SLC9C2: variants seen among roughly 807,000 people sequenced by gnomAD.
SLC9C2 encodes the protein sodium/hydrogen exchanger 11.
SLC9C2 carries 75 observed loss-of-function variants against 140.2 expected under a neutral mutation model. The ratio of observed to expected loss-of-function variants is 0.53; its 90% CI spans 0.44 to 0.65. The LOEUF is 0.65. SLC9C2 is among the 30% of genes least tolerant of loss of function. The pLI is 0.00. For synonymous variants in SLC9C2, 375 were observed against 420.9 expected (o/e 0.89, Z 1.34); for missense variants, 1,074 against 1,331.8 (o/e 0.81, Z 3.01).
intron 13 of SLC9C2, among the ~76,000 whole-genome samples, chr1:173,540,639 A>T (rs1004995216): frequency 1.3e-5 from 2 of 152,218 alleles, no homozygotes; most frequent in Non-Finnish European, 2.9e-5. Context: ...AACTCGGAAG[A>T]CAGAAAATGT....
intron 16 of SLC9C2, 107 bp from the exon 17 acceptor site, chr1:173,533,904 C>A: frequency 1.6e-6 from 2 of 1,212,318 alleles, no homozygotes; most frequent in Non-Finnish European, 2.2e-6. Flanking sequence ...AGTTATATTC[C>A]GAAAGTTGAG....
Position 173,545,478 on chromosome 1 carries a change from T to C in SLC9C2, c.1557+2211A>G, listed in dbSNP as rs144805729. On this transcript the variant is annotated intron_variant, in intron 13 of 27. Coordinates refer to ENST00000367714, the MANE Select transcript of SLC9C2 (RefSeq NM_178527.4). Reference sequence around the variant, plus strand: ...CATGGACACGTAATTTCTCAGGCCATCCCATTCTTCCCCCTCTTAAACAGT... The same window carrying C: ...CATGGACACGTAATTTCTCAGGCCACCCCATTCTTCCCCCTCTTAAACAGT... Among the ~76,000 whole-genome samples, 86 of 152,318 alleles carry C rather than the reference T, an allele frequency of 5.6e-4. No homozygotes were observed. The East Asian group carries it at 0.013, about 23-fold the overall frequency.
intron 13 of SLC9C2, among the ~76,000 whole-genome samples, chr1:173,537,919 T>C (rs1347070374): frequency 1.3e-5 from 2 of 152,166 alleles, no homozygotes; most frequent in African/African-American, 2.4e-5. Context: ...TTTCCTCACA[T>C]ACTGACCATA....
At chr1:173,562,857 G>A (rs1664202837) in intron 9 of SLC9C2, among the ~76,000 whole-genome samples, 1 of 152,130 alleles carries the variant, frequency 6.6e-6, no homozygotes, top group South Asian at 2.1e-4. Context: ...GATCAAGAGA[G>A]CTGATCCCTT....
rs1460503348 is a variant in SLC9C2 at position 173,557,455 on chromosome 1, T to C, written c.1100A>G (p.Tyr367Cys). 2.5e-6 allele frequency: 4 copies of C among 1,613,848 alleles called. No individual in the cohort carries two copies. Among genetic ancestry groups the C allele is most frequent in the Non-Finnish European group, 3.4e-6 (4 of 1,179,912 alleles). Residue 367 changes from tyrosine (Y) to cysteine (C), a missense_variant, in exon 10 of 28, where the codon TAT becomes TGT. Physicochemically the swap from Tyr to Cys is radical, Grantham distance 194. Coordinates refer to ENST00000367714, the MANE Select transcript of SLC9C2 (RefSeq NM_178527.4). ...GATTACAACTCCCCATCGCCAATTA[T>C]ATTCATAATTTGAATGCATCAAAAT... ...SPILMHSNYEYNWRWGVVITW... is the reference protein window; with the variant it reads ...SPILMHSNYECNWRWGVVITW...
chr1:173,504,480 C>A (rs1659494346), intron 26 of SLC9C2, among the ~76,000 whole-genome samples: 1 of 152,100 alleles, frequency 6.6e-6, no homozygotes. Context: ...AAATCCTCCC[C>A]CCAAAGCAAC....
At chr1:173,535,564 A>C (rs1661889319) in intron 15 of SLC9C2, among the ~76,000 whole-genome samples, 1 of 152,288 alleles carries the variant, frequency 6.6e-6, no homozygotes, top group South Asian at 2.1e-4. Flanking sequence ...GCAGCCCGCA[A>C]CACACTACAA....
intron 4 of SLC9C2, among the ~76,000 whole-genome samples, chr1:173,592,625 T>C (rs547564846): frequency 6.6e-6 from 1 of 152,346 alleles, no homozygotes; most frequent in African/African-American, 2.4e-5. Context: ...CAATCGTGAA[T>C]GAGATTGCAT....
chr1:173,576,680 T>G lies in SLC9C2; in HGVS notation c.883A>C (p.Ile295Leu), dbSNP rs1665202179. 1 of 1,611,494 alleles carries G rather than the reference T, an allele frequency of 6.2e-7. No homozygotes were observed. The highest frequency in any genetic ancestry group is 1.3e-5 in the African/African-American group (1 of 74,934). ...ACTTACTTAGTAATTACAAGTTCGA[T>G]CTTCGGTTTAAAAGTTAAAGAATCT... is the stretch of plus-strand genomic sequence containing the variant. ...NLDSLTFKPK[I>L]ELVITKFLRI... Residue 295 changes from isoleucine (I) to leucine (L), a missense_variant, in exon 8 of 28, where the codon ATC becomes CTC. By Grantham distance (5) the Ile-to-Leu change is conservative (BLOSUM62 2). Transcript: ENST00000367714.
At chr1:173,515,240 T>C (rs1370955155) in intron 23 of SLC9C2, among the ~76,000 whole-genome samples, 1 of 152,166 alleles carries the variant, frequency 6.6e-6, no homozygotes, top group East Asian at 1.9e-4. Context: ...AACATCCTGA[T>C]CCTGAAGTGT....
chr1:173,592,699 G>A (rs1433848502), intron 4 of SLC9C2, among the ~76,000 whole-genome samples: 10 of 152,124 alleles, frequency 6.6e-5, no homozygotes. Flanking sequence ...TTCATACATT[G>A]ATTTCCTATC....
At chr1:173,546,060 C>T (rs185684390) in intron 13 of SLC9C2, among the ~76,000 whole-genome samples, 1 of 152,262 alleles carries the variant, frequency 6.6e-6, no homozygotes, top group East Asian at 1.9e-4. Context: ...AAACAAATCA[C>T]AAGAACAGCC....
At chr1:173,572,186 A>C (rs1664882984) in intron 9 of SLC9C2, among the ~76,000 whole-genome samples, 4 of 152,256 alleles carry the variant, frequency 2.6e-5, no homozygotes, top group Admixed American at 1.3e-4. Context: ...CCTAAATTAT[A>C]CTAGGGAGCA....
intron 11 of SLC9C2, 115 bp downstream of exon 11, chr1:173,554,618 G>A (rs1663546048): frequency 1.4e-6 from 1 of 691,558 alleles, no homozygotes; most frequent in Non-Finnish European, 2.5e-6. Context: ...AATGAAAAAT[G>A]AATAATTTCT....
intron 13 of SLC9C2, among the ~76,000 whole-genome samples, chr1:173,543,455 A>G (rs188266616): frequency 6.6e-6 from 1 of 152,348 alleles, no homozygotes; most frequent in East Asian, 1.9e-4. Context: ...ATTCATTGCC[A>G]TCCCCACCAA....
intron 9 of SLC9C2, among the ~76,000 whole-genome samples, chr1:173,560,344 A>C (rs67180872): frequency 0.086 from 13,107 of 152,232 alleles, 817 homozygotes; most frequent in East Asian, 0.26. Flanking sequence ...TTGAGGATTT[A>C]AGTGGGCCTG....
intron 5 of SLC9C2, among the ~76,000 whole-genome samples, chr1:173,585,937 C>T (rs1164129142): frequency 6.6e-6 from 1 of 151,788 alleles, no homozygotes; most frequent in Non-Finnish European, 1.5e-5. Context: ...CATTGCACTC[C>T]AGCCTGGGGT....
At chr1:173,557,249 C>G in intron 10 of SLC9C2, 91 bp downstream of exon 10, 16 of 1,222,206 alleles carry the variant, frequency 1.3e-5, no homozygotes, top group Middle Eastern at 2.4e-4. Flanking sequence ...TAATTCAAAG[C>G]TGGTTAACTT....
At chr1:173,570,219 A>T (rs1172933621) in intron 9 of SLC9C2, among the ~76,000 whole-genome samples, 1 of 152,100 alleles carries the variant, frequency 6.6e-6, no homozygotes, top group Non-Finnish European at 1.5e-5. Flanking sequence ...CCACCTGTGT[A>T]TTGCTGTTAT....
Sources: gnomAD v4.1 joint callset for allele counts (sites outside exome capture counted in the v4.1 genomes callset) on GRCh38, gnomAD v4.1.1 for gene constraint, MANE v1.5 for transcripts, NCBI Gene and HGNC (gene_info 2026-07-23, HGNC 2026-07-21) for gene names.